The following HIPK2 variants were observed in gnomAD, a reference collection of about 807,000 sequenced individuals.
HIPK2 encodes homeodomain-interacting protein kinase 2.
A neutral mutation model predicts 113.7 loss-of-function variants in HIPK2; 27 were observed. The ratio of observed to expected loss-of-function variants is 0.24; its 90% CI spans 0.17 to 0.33. HIPK2 has a LOEUF of 0.33. Among genes scored for constraint, HIPK2 ranks in the 10% least tolerant of loss-of-function variants. The pLI is 1.00. For synonymous variants in HIPK2, 631 were observed against 642.2 expected (o/e 0.98, Z 0.26); for missense variants, 1,257 against 1,588.0 (o/e 0.79, Z 3.54).
In HIPK2 at chr7:139,768,480, T is replaced by C. The variant is rs142724204; in HGVS notation, c.19+9125A>G. ...TTAAAGCTGCTTAATGACTTAAAAG[T>C]GCTTTGAGGTTCTGTGAAACTCATC... On this transcript the variant is annotated intron_variant, in intron 1 of 14. Coordinates refer to ENST00000406875, the MANE Select transcript of HIPK2 (RefSeq NM_022740.5). Among the ~76,000 whole-genome samples the C allele has an allele frequency of 3.1e-3, 469 of 152,228 alleles. 2 individuals are homozygous for C. The highest frequency in any genetic ancestry group is 0.011 in the African/African-American group (442 of 41,520).
At position 139,568,655 on chromosome 7, in the gene HIPK2, G is replaced by T. The variant is rs908166596; in HGVS notation, c.*4272C>A. The T allele has an allele frequency of 6.6e-6, 1 of 152,230 alleles. No homozygotes were observed. Among genetic ancestry groups the T allele is most frequent in the Non-Finnish European group, 1.5e-5 (1 of 68,054 alleles). 9.4% of individuals were successfully genotyped at this position (152,230 alleles called of 1,614,324 possible). ...GACTAGAGGATGCTCTAGATGATTCGTGGGCTAAGTAAGGACTAGGTTGGC... is the reference window on the plus strand; with the variant it reads ...GACTAGAGGATGCTCTAGATGATTCTTGGGCTAAGTAAGGACTAGGTTGGC... On this transcript the variant is annotated 3_prime_UTR_variant, in exon 15 of 15. Coordinates refer to ENST00000406875, the MANE Select transcript of HIPK2 (RefSeq NM_022740.5).
intron 2 of HIPK2, among the ~76,000 whole-genome samples, chr7:139,649,247 G>A (rs530737119): frequency 8.6e-4 from 131 of 152,222 alleles, no homozygotes; most frequent in African/African-American, 2.9e-3. Flanking sequence ...CCACTGCTGC[G>A]GCGGGTGGCT....
At chr7:139,575,963 A>G (rs1482994763) in intron 13 of HIPK2, among the ~76,000 whole-genome samples, 1 of 152,238 alleles carries the variant, frequency 6.6e-6, no homozygotes, top group African/African-American at 2.4e-5. Context: ...CAGAATCGTG[A>G]GCCAAATAAA....
At chr7:139,684,797 C>T (rs775841344) in intron 2 of HIPK2, among the ~76,000 whole-genome samples, 40 of 152,280 alleles carry the variant, frequency 2.6e-4, no homozygotes, top group Middle Eastern at 6.8e-3. Flanking sequence ...AGAAAACATT[C>T]TTGAAAGAAA....
intron 1 of HIPK2, among the ~76,000 whole-genome samples, chr7:139,765,849 T>C (rs1161191053): frequency 6.6e-6 from 1 of 152,192 alleles, no homozygotes; most frequent in Admixed American, 6.5e-5. Context: ...TGTCCCAGAT[T>C]TGAAGCATTA....
At chr7:139,616,506 T>C (rs987497864) in intron 7 of HIPK2, among the ~76,000 whole-genome samples, 1 of 152,232 alleles carries the variant, frequency 6.6e-6, no homozygotes, top group African/African-American at 2.4e-5. Flanking sequence ...AGTTTACTCA[T>C]TGTTTTCCAA....
intron 1 of HIPK2, among the ~76,000 whole-genome samples, chr7:139,764,063 T>A (rs11978060): frequency 0.13 from 19,426 of 152,274 alleles, 2,224 homozygotes; most frequent in Admixed American, 0.27. Flanking sequence ...ATGTGTTAGA[T>A]AAGCTCGTTC....
At chr7:139,634,901 C>T (rs560100224) in intron 2 of HIPK2, among the ~76,000 whole-genome samples, 78 of 152,194 alleles carry the variant, frequency 5.1e-4, no homozygotes, top group African/African-American at 1.8e-3. Context: ...TGGTCTCAAG[C>T]TCCTGATCTC....
chr7:139,573,441 T>G lies in HIPK2; in HGVS notation c.3127-44A>C, dbSNP rs762729405. 2.5e-6 allele frequency: 4 copies of G among 1,573,190 alleles called. No homozygotes were observed. In the South Asian group the frequency reaches 4.5e-5, roughly 18 times the overall value. On this transcript the variant is annotated intron_variant, in intron 14 of 14. Transcript: ENST00000406875. ...AAGAGAGACGTCAGGGGCCGACACATGGGGAGGAAGGAATGGGAGGAGGGG... is the reference window on the plus strand; with the variant it reads ...AAGAGAGACGTCAGGGGCCGACACAGGGGGAGGAAGGAATGGGAGGAGGGG...
chr7:139,592,750 G>A (rs1448136518), intron 12 of HIPK2, among the ~76,000 whole-genome samples: 1 of 152,220 alleles, frequency 6.6e-6, no homozygotes, highest in Non-Finnish European at 1.5e-5. Flanking sequence ...ACAATTAAAT[G>A]CTTTTCTAAT....
At chr7:139,584,336 C>A (rs1422670429) in intron 12 of HIPK2, among the ~76,000 whole-genome samples, 1 of 152,170 alleles carries the variant, frequency 6.6e-6, no homozygotes, top group African/African-American at 2.4e-5. Context: ...CCGGGCTGGC[C>A]TGGGCTCTTC....
Position 139,570,557 on chromosome 7 carries a change from AG to A in HIPK2, c.*2369del, listed in dbSNP as rs1425258288. 4 of 152,228 alleles carry A rather than the reference AG, an allele frequency of 2.6e-5. No individual in the cohort carries two copies. 9.4% of individuals were successfully genotyped at this position (152,228 alleles called of 1,614,324 possible). A position where few individuals can be genotyped will look rare whatever the true frequency, so the allele number is the denominator to read the frequency against. On this transcript the variant is annotated 3_prime_UTR_variant, in exon 15 of 15. Coordinates refer to ENST00000406875, the MANE Select transcript of HIPK2 (RefSeq NM_022740.5). ...CTGAGGCCTGGACTAAGCTGTTTCC[AG>A]TTTGGGGACCTGTTTCTTTATAAGT...
intron 1 of HIPK2, among the ~76,000 whole-genome samples, chr7:139,770,552 G>A (rs1327696982): frequency 1.3e-5 from 2 of 152,196 alleles, no homozygotes; most frequent in African/African-American, 4.8e-5. Flanking sequence ...TCTTCAAGAT[G>A]CAAATCTGTG....
chr7:139,610,306 A>G (rs1162126049), intron 9 of HIPK2, among the ~76,000 whole-genome samples: 1 of 152,214 alleles, frequency 6.6e-6, no homozygotes, highest in Non-Finnish European at 1.5e-5. Flanking sequence ...CTTTAAAAGC[A>G]CACGTGAGTT....
At chr7:139,612,469 C>T (rs192003175) in intron 9 of HIPK2, among the ~76,000 whole-genome samples, 224 of 152,264 alleles carry the variant, frequency 1.5e-3, no homozygotes, top group Non-Finnish European at 2.4e-3. Flanking sequence ...TGTTGTGTGA[C>T]TCTGATGAGC....
intron 1 of HIPK2, among the ~76,000 whole-genome samples, chr7:139,750,400 C>T (rs1005941618): frequency 6.6e-6 from 1 of 152,176 alleles, no homozygotes; most frequent in African/African-American, 2.4e-5. Flanking sequence ...ATGGAATCTA[C>T]CCTCAAATGA....
chr7:139,628,416 A>T (rs939711568), intron 5 of HIPK2, among the ~76,000 whole-genome samples: 4 of 152,202 alleles, frequency 2.6e-5, no homozygotes, highest in Non-Finnish European at 5.9e-5. Flanking sequence ...CTATATTACA[A>T]CTGGGAACCA....
chr7:139,716,416 G>A lies in HIPK2; in HGVS notation c.619C>T (p.Arg207Ter). 3 of 1,613,906 alleles carry A rather than the reference G, an allele frequency of 1.9e-6. No homozygotes were observed. The highest frequency in any genetic ancestry group is 2.5e-6 in the Non-Finnish European group (3 of 1,179,892). The change falls in exon 2 of 15, where the codon CGA becomes TGA. Residue 207 changes from arginine (R) to a stop codon, truncating the protein, a stop_gained. Transcript: ENST00000406875. LOFTEE classifies it high-confidence loss of function. The surrounding 1 kb of genome is among the most constrained non-coding windows in gnomAD (Gnocchi z 9.3). ...NTYEVLEFLG[R>*]GTFGQVVKCW... ...TTGACCACTTGCCCAAACGTCCCTC[G>A]GCCCAAGAACTCTAAGACCTCGTAG...
chr7:139,626,236 G>C (rs1408172354), intron 6 of HIPK2, among the ~76,000 whole-genome samples: 1 of 151,774 alleles, frequency 6.6e-6, no homozygotes, highest in African/African-American at 2.4e-5. Context: ...CCAAATAGCT[G>C]GGATTACAGG....
Sources: allele counts gnomAD v4.1 joint callset (sites outside exome capture counted in the v4.1 genomes callset), GRCh38; gene constraint gnomAD v4.1.1; non-coding constraint Gnocchi (gnomAD v3.1); transcripts MANE v1.5; gene names NCBI Gene and HGNC (gene_info 2026-07-23, HGNC 2026-07-21).